MGLL: variants seen among roughly 807,000 people sequenced by gnomAD.
The protein encoded by MGLL is monoglyceride lipase, also known as lysophospholipase homolog.
A neutral mutation model predicts 29.1 loss-of-function variants in MGLL; 7 were observed. The ratio of observed to expected loss-of-function variants is 0.24; its 90% CI spans 0.14 to 0.45. MGLL has a LOEUF of 0.45. Ranked by LOEUF, MGLL falls within the 20% of genes least tolerant of loss-of-function variation. MGLL has a pLI of 0.99. For missense variants in MGLL, 356 were observed against 413.6 expected, an observed-to-expected ratio of 0.86 and a Z score of 1.21; for synonymous variants, 148 against 168.3, an observed-to-expected ratio of 0.88 and a Z score of 0.93.
At chr3:127,793,911 T>C (rs1207430097) in intron 2 of MGLL, among the ~76,000 whole-genome samples, 1 of 152,224 alleles carries the variant, frequency 6.6e-6, no homozygotes, top group Non-Finnish European at 1.5e-5. Context: ...CTAAATATCT[T>C]GAAGTAAGAC....
chr3:127,696,357 C>T (rs1413257013), intron 6 of MGLL, among the ~76,000 whole-genome samples: 3 of 142,914 alleles, frequency 2.1e-5, no homozygotes, highest in Non-Finnish European at 4.5e-5. Flanking sequence ...CTAGGAATCT[C>T]TCAGGCCCAT....
At chr3:127,706,624 T>G (rs796792046) in intron 6 of MGLL, among the ~76,000 whole-genome samples, 20 of 152,352 alleles carry the variant, frequency 1.3e-4, no homozygotes, top group African/African-American at 4.6e-4. Context: ...GACTTTCTAG[T>G]GCCTGTTGTT....
At chr3:127,701,886 T>C (rs1185987980) in intron 6 of MGLL, among the ~76,000 whole-genome samples, 1 of 152,196 alleles carries the variant, frequency 6.6e-6, no homozygotes, top group South Asian at 2.1e-4. Context: ...AGGTTAAGCA[T>C]TTCCTCCTGT....
chr3:127,692,471 G>A, intron 7 of MGLL, 148 bp from the exon 8 acceptor site: 1 of 895,140 alleles, frequency 1.1e-6, no homozygotes, highest in Non-Finnish European at 1.8e-6. Context: ...CCATTATTAG[G>A]AGGCCAACAC....
chr3:127,746,048 G>A (rs1046208081), intron 3 of MGLL, among the ~76,000 whole-genome samples: 2 of 152,178 alleles, frequency 1.3e-5, no homozygotes, highest in African/African-American at 2.4e-5. Context: ...GGAGATGGGG[G>A]CCCAGACAGA....
intron 3 of MGLL, among the ~76,000 whole-genome samples, chr3:127,775,969 G>A (rs2077029731): frequency 6.6e-6 from 1 of 152,240 alleles, no homozygotes. Flanking sequence ...GTGAGTCACT[G>A]CAGCAGCTGG....
chr3:127,816,131 C>G (rs995088911), intron 2 of MGLL, among the ~76,000 whole-genome samples: 5 of 152,204 alleles, frequency 3.3e-5, no homozygotes, highest in Non-Finnish European at 7.3e-5. Context: ...CCCCAGGGAG[C>G]ATCTGCGCTA....
intron 7 of MGLL, among the ~76,000 whole-genome samples, chr3:127,693,416 A>G (rs1220933508): frequency 6.6e-6 from 1 of 152,208 alleles, no homozygotes; most frequent in African/African-American, 2.4e-5. Flanking sequence ...TCTAACCAAG[A>G]GAAGAAGTTT....
chr3:127,772,366 T>G (rs1291479326), intron 3 of MGLL, among the ~76,000 whole-genome samples: 1 of 152,152 alleles, frequency 6.6e-6, no homozygotes, highest in Non-Finnish European at 1.5e-5. Flanking sequence ...ATTTTACAGA[T>G]GAGGAGTGTG....
intron 3 of MGLL, among the ~76,000 whole-genome samples, chr3:127,725,744 T>C (rs1398140213): frequency 6.6e-6 from 1 of 152,206 alleles, no homozygotes; most frequent in African/African-American, 2.4e-5. Flanking sequence ...TACACATTTA[T>C]GAATATAAAA....
rs1723994 is a variant in MGLL, at chr3:127,723,104, G to A, written c.263-538C>T. On this transcript the variant is annotated intron_variant, in intron 3 of 7. Coordinates refer to ENST00000265052, the MANE Select transcript of MGLL (RefSeq NM_007283.7). ...TCATCGGGTGTGCTTGCCAGAAAGC[G>A]TCTCGACGAAGCTGCAGTGAAACTA... 4.3e-3 allele frequency among the ~76,000 whole-genome samples: 652 copies of A among 152,338 alleles called. 5 individuals are homozygous for A. The highest frequency in any genetic ancestry group is 0.015 in the African/African-American group (621 of 41,588).
rs1461842826 is a variant in MGLL at position 127,761,856 on chromosome 3, C to G, written c.262+19933G>C. Among the ~76,000 whole-genome samples the G allele has an allele frequency of 6.6e-6, 1 of 152,180 alleles. No homozygotes were observed. The highest frequency in any genetic ancestry group is 2.4e-5 in the African/African-American group (1 of 41,450). ...CACTAAATATGCGTAGTGCACCCAGCGCACTTGCCGGGGAGTTGTGACTGC... is the reference window on the plus strand; with the variant it reads ...CACTAAATATGCGTAGTGCACCCAGGGCACTTGCCGGGGAGTTGTGACTGC... On this transcript the variant is annotated intron_variant, in intron 3 of 7. Transcript: ENST00000265052. This position sits in a 1 kb window ranked among gnomAD's most constrained non-coding sequence, Gnocchi z 4.6.
chr3:127,802,638 G>A (rs1188124819), intron 2 of MGLL, among the ~76,000 whole-genome samples: 1 of 152,216 alleles, frequency 6.6e-6, no homozygotes, highest in Non-Finnish European at 1.5e-5. Flanking sequence ...TCGAAAAGCA[G>A]TTCTGCATTA....
rs2075262379 is a variant in MGLL, at chr3:127,692,270, G to A, written c.870C>T (p.Asn290=). Residue 290 remains asparagine, a synonymous_variant, in exon 8 of 8, where the codon AAC becomes AAT. Transcript: ENST00000265052. The part of the protein sequence containing the change: ...VLHKELPEVT[N]SVFHEINMWV... ...ACATGTTTATTTCATGGAAGACGGA[G>A]TTGGTGACTTCAGGAAGCTCCTTGT... 5 of 1,613,920 alleles carry A rather than the reference G, an allele frequency of 3.1e-6. No homozygotes were observed. The highest frequency in any genetic ancestry group is 1.7e-5 in the Admixed American group (1 of 60,006).
intron 2 of MGLL, among the ~76,000 whole-genome samples, chr3:127,804,400 A>T (rs2077530100): frequency 6.6e-6 from 1 of 152,202 alleles, no homozygotes; most frequent in Non-Finnish European, 1.5e-5. Context: ...GCTTCTGCTC[A>T]CTTGTCCCCC....
chr3:127,820,079 T>C (rs182829045), intron 2 of MGLL, among the ~76,000 whole-genome samples: 9 of 152,310 alleles, frequency 5.9e-5, no homozygotes, highest in Admixed American at 2.0e-4. Flanking sequence ...CTGCCCTCAA[T>C]ATTTTTTTCC....
At chr3:127,794,591 C>T (rs1005709841) in intron 2 of MGLL, among the ~76,000 whole-genome samples, 2 of 149,514 alleles carry the variant, frequency 1.3e-5, no homozygotes, top group South Asian at 2.1e-4. Context: ...GATGTCAGAC[C>T]GTCTTCTGTG....
intron 6 of MGLL, among the ~76,000 whole-genome samples, chr3:127,699,763 C>T (rs2075442737): frequency 6.6e-6 from 1 of 152,170 alleles, no homozygotes; most frequent in African/African-American, 2.4e-5. Context: ...TCAGAAAAGG[C>T]AGGAATGGTC....
chr3:127,755,330 G>A (rs1287057314), intron 3 of MGLL, among the ~76,000 whole-genome samples: 7 of 152,194 alleles, frequency 4.6e-5, no homozygotes. Context: ...GGTTTAAACA[G>A]CTGCTCACAG....
Sources: gnomAD v4.1 joint callset for allele counts (sites outside exome capture counted in the v4.1 genomes callset) on GRCh38, gnomAD v4.1.1 for gene constraint, Gnocchi (gnomAD v3.1) non-coding constraint, MANE v1.5 for transcripts, NCBI Gene and HGNC (gene_info 2026-07-23, HGNC 2026-07-21) for gene names.